Variants in IGSF1 observed in about 807,000 individuals in gnomAD.
The protein encoded by IGSF1 is immunoglobulin superfamily member 1, also known as immunoglobulin-like domain-containing protein 1.
A neutral mutation model predicts 95.3 loss-of-function variants in IGSF1; 40 were observed. The observed-to-expected ratio is 0.42, with a 90% CI of 0.33 to 0.55. IGSF1 has a LOEUF of 0.55. Ranked by LOEUF, IGSF1 falls within the 20% of genes least tolerant of loss-of-function variation. IGSF1 has a pLI of 0.10. For synonymous variants in IGSF1, 372 were observed against 382.9 expected, an observed-to-expected ratio of 0.97 and a Z score of 0.33; for missense variants, 906 against 1,025.4, an observed-to-expected ratio of 0.88 and a Z score of 1.59.
chrX:131,285,608 GTCTGCATCCCCCC>G, intron 4 of IGSF1, 142 bp from the exon 5 acceptor site: 1 of 819,800 alleles, frequency 1.2e-6, no homozygotes, highest in Non-Finnish European at 1.7e-6. Context: ...CTGCTCCAGA[GTCTGCATCCCCCC>G]TCTGCATTGC....
rs757311761 is a variant in IGSF1, at chrX:131,277,012, C to A, written c.2535G>T (p.Gly845=). ...LIISVGIGDG[G]NYSCRYYDFS... is the part of the protein sequence containing the mutation. ...AGTCATAATATCGGCAGCTGTAATT[C>A]CCTCCATCACCAATGCCCACCGAAA... The change falls in exon 14 of 20, where the codon GGG becomes GGT. Residue 845 remains glycine (G), a synonymous_variant. Coordinates refer to ENST00000361420, the MANE Select transcript of IGSF1 (RefSeq NM_001555.5). 2 of 1,210,146 alleles carry A rather than the reference C, an allele frequency of 1.7e-6. No homozygotes were observed. Among genetic ancestry groups the A allele is most frequent in the Admixed American group, 4.4e-5 (2 of 45,925 alleles).
intron 1 of IGSF1, among the ~76,000 whole-genome samples, chrX:131,287,240 C>CTGATGAA (rs1186888782): frequency 1.0e-4 from 11 of 107,725 alleles, no homozygotes; most frequent in Admixed American, 7.1e-4. Flanking sequence ...GGCATTACTA[C>CTGATGAA]CATCCCCATT....
chrX:131,277,754 G>T, intron 13 of IGSF1, 102 bp downstream of exon 13: 1 of 946,038 alleles, frequency 1.1e-6, no homozygotes, highest in South Asian at 2.4e-5. Context: ...AGGCTCTCAG[G>T]ACCAGCAGCA....
Position 131,275,775 on chromosome X carries a change from G to C in IGSF1, c.2897-10C>G. ...GGCTTAGGGAATGTGTCTAGAAAGAGACCAAGGTTGTAAAGTGGTGACTAT... is the reference window on the plus strand; with the variant it reads ...GGCTTAGGGAATGTGTCTAGAAAGACACCAAGGTTGTAAAGTGGTGACTAT... On this transcript the variant is annotated splice_polypyrimidine_tract_variant and intron_variant, in intron 15 of 19. Transcript: ENST00000361420. 8.3e-7 allele frequency: 1 copy of C among 1,202,640 alleles called. No homozygotes were observed. The highest frequency in any genetic ancestry group is 1.1e-6 in the Non-Finnish European group (1 of 889,099).
At position 131,273,572 on chromosome X, in the gene IGSF1, G is replaced by A. The variant is rs140992019; in HGVS notation, c.*224C>T. On this transcript the variant is annotated 3_prime_UTR_variant, in exon 20 of 20. Transcript: ENST00000361420. The stretch of plus-strand genomic sequence containing the variant: ...ATGCATTTTTAATAGAATTTCATGC[G>A]CCAGTAAATCAGTACAGTGAGGAGT... 1.5e-3 allele frequency: 497 copies of A among 340,178 alleles called. 1 individual carries two copies. Among genetic ancestry groups the A allele is most frequent in the African/African-American group, 8.0e-3 (302 of 37,970 alleles). 28.0% of individuals were successfully genotyped at this position (340,178 alleles called of 1,213,427 possible).
intron 9 of IGSF1, 53 bp downstream of exon 9, chrX:131,281,165 A>G: frequency 8.4e-7 from 1 of 1,192,732 alleles, no homozygotes; most frequent in Non-Finnish European, 1.1e-6. Context: ...GGCATGACTC[A>G]TTCTTCAGAC....
chrX:131,283,466 A>G (rs1471504707), intron 5 of IGSF1, among the ~76,000 whole-genome samples: 1 of 112,147 alleles, frequency 8.9e-6, no homozygotes, highest in Non-Finnish European at 1.9e-5. Flanking sequence ...AGAATCTGCC[A>G]GCTTCACTGA....
chrX:131,289,177 C>G (rs1428572807), intron 1 of IGSF1, 37 bp downstream of exon 1: 1 of 373,382 alleles, frequency 2.7e-6, no homozygotes, highest in Non-Finnish European at 5.2e-6. Flanking sequence ...ATTTAATATT[C>G]AGCCACTGAA....
intron 9 of IGSF1, 31 bp from the exon 10 acceptor site, chrX:131,279,372 T>G: frequency 1.1e-5 from 12 of 1,129,624 alleles, no homozygotes; most frequent in Non-Finnish European, 1.3e-5. Flanking sequence ...ATGAGAGGAG[T>G]TGCTGGGATG....
intron 4 of IGSF1, 32 bp downstream of exon 4, chrX:131,285,735 G>C (rs2080625446): frequency 8.6e-7 from 1 of 1,164,195 alleles, no homozygotes; most frequent in Admixed American, 2.4e-5. Flanking sequence ...TCAGGAGCTG[G>C]AGTTGATTCT....
Position 131,275,392 on chromosome X carries a change from G to A in IGSF1, c.3184+86C>T, listed in dbSNP as rs999968610. The A allele has an allele frequency of 1.6e-5, 18 of 1,132,799 alleles. No individual in the cohort carries two copies. In the South Asian group the frequency reaches 2.4e-4, roughly 15 times the overall value. The allele number at this position is 1,132,799 out of a possible 1,213,427, so 93.4% of individuals were successfully genotyped here. A position where few individuals can be genotyped will look rare whatever the true frequency, so the allele number is the denominator to read the frequency against. The stretch of plus-strand genomic sequence containing the variant: ...GAAAGGCAATTGGTTGCCTCTCCTC[G>A]AGCTCTCTGAAAACTATCTCCCATG... On this transcript the variant is annotated intron_variant, in intron 16 of 19. Coordinates refer to ENST00000361420, the MANE Select transcript of IGSF1 (RefSeq NM_001555.5).
chrX:131,283,500 ATC>A (rs1331248127), intron 5 of IGSF1, among the ~76,000 whole-genome samples: 2 of 111,667 alleles, frequency 1.8e-5, no homozygotes, highest in Non-Finnish European at 3.8e-5. Flanking sequence ...GTAGGGGTGT[ATC>A]TCAGTGGAAG....
chrX:131,277,257 A>T, intron 13 of IGSF1, 31 bp from the exon 14 acceptor site: 4 of 1,123,733 alleles, frequency 3.6e-6, no homozygotes, highest in Non-Finnish European at 4.7e-6. Context: ...ACAAAAACAA[A>T]AAACAAAATA....
Position 131,275,992 on chromosome X carries a change from A to G in IGSF1, c.2865T>C (p.Tyr955=), listed in dbSNP as rs371951904. The change falls in exon 15 of 20, where the codon TAT becomes TAC. Residue 955 remains tyrosine (Y), a synonymous_variant. Transcript: ENST00000361420. The stretch of plus-strand genomic sequence containing the variant: ...CCCAGATCATAAGGGGCATACTGAG[A>G]TATGACCCCCTGTTTGACATGGTTG... The part of the protein sequence containing the change: ...YETTMSNRGS[Y]LSMPLMIWVT... 186 of 1,208,710 alleles carry G rather than the reference A, an allele frequency of 1.5e-4. No homozygotes were observed. Among genetic ancestry groups the G allele is most frequent in the Non-Finnish European group, 2.0e-4 (180 of 894,153 alleles).
intron 1 of IGSF1, 84 bp from the exon 2 acceptor site, chrX:131,286,825 C>G (rs1759115575): frequency 7.2e-6 from 3 of 414,284 alleles, no homozygotes; most frequent in East Asian, 4.4e-5. Flanking sequence ...CTTGACAACC[C>G]TACATTGTAC....
intron 9 of IGSF1, chrX:131,280,970 G>T (rs1450860636): frequency 6.5e-6 from 2 of 309,076 alleles, no homozygotes; most frequent in Non-Finnish European, 1.2e-5. Context: ...CTCCGGGGGG[G>T]ATGTCAGTGA....
chrX:131,278,444 C>T lies in IGSF1; in HGVS notation c.2041+17G>A, dbSNP rs2080508136. On this transcript the variant is annotated intron_variant, in intron 12 of 19. Transcript: ENST00000361420. Reference sequence around the variant, plus strand: ...GGCACTGGGGATAACTCCCGGAGACCCTCTACATTTTCTTACCTGTCCCCA... The same window carrying T: ...GGCACTGGGGATAACTCCCGGAGACTCTCTACATTTTCTTACCTGTCCCCA... 1 of 1,165,653 alleles carries T rather than the reference C, an allele frequency of 8.6e-7. No individual in the cohort carries two copies. The highest frequency in any genetic ancestry group is 1.8e-5 in the African/African-American group (1 of 55,796).
intron 10 of IGSF1, 31 bp from the exon 11 acceptor site, chrX:131,279,206 C>A: frequency 8.3e-7 from 1 of 1,210,818 alleles, no homozygotes; most frequent in Non-Finnish European, 1.1e-6. Flanking sequence ...AGGACTCGGC[C>A]CCCTCCCCCA....
intron 9 of IGSF1, among the ~76,000 whole-genome samples, chrX:131,280,799 G>A (rs919982987): frequency 8.9e-6 from 1 of 111,924 alleles, no homozygotes; most frequent in Non-Finnish European, 1.9e-5. Context: ...TAGCTCCTGA[G>A]AGCTAGGGAT....
Sources: allele counts gnomAD v4.1 joint callset (sites outside exome capture counted in the v4.1 genomes callset), GRCh38; gene constraint gnomAD v4.1.1; transcripts MANE v1.5; gene names NCBI Gene and HGNC (gene_info 2026-07-23, HGNC 2026-07-21).